DLC1: variants seen among roughly 807,000 people sequenced by gnomAD.
DLC1 encodes rho GTPase-activating protein 7.
Under a neutral mutation model 140.3 loss-of-function variants are expected in DLC1, and 54 were observed. That is an observed-to-expected ratio of 0.38 (90% confidence interval 0.31 to 0.48). The LOEUF (loss-of-function observed/expected upper bound fraction) is 0.48, where lower values mean the gene tolerates loss of function less well. DLC1 is among the 20% of genes least tolerant of loss of function. The pLI, the probability that DLC1 is intolerant of heterozygous loss-of-function variation, is 0.96. For synonymous variants in DLC1, 986 were observed against 728.1 expected (o/e 1.35, Z -5.70); for missense variants, 2,536 against 1,907.0 (o/e 1.33, Z -6.14).
At chr8:13,160,906 C>G (rs1824640894) in intron 5 of DLC1, among the ~76,000 whole-genome samples, 1 of 152,020 alleles carries the variant, frequency 6.6e-6, no homozygotes, top group Non-Finnish European at 1.5e-5. Context: ...GCGGTGAAAC[C>G]CCGTCTCTAC....
chr8:13,535,099 C>T (rs1258795415), intron 1 of DLC1, among the ~76,000 whole-genome samples: 1 of 152,128 alleles, frequency 6.6e-6, no homozygotes, highest in Non-Finnish European at 1.5e-5. Flanking sequence ...AGGCAAAGTT[C>T]CTTCCCCTTT....
At chr8:13,567,137 T>A in intron 1 of DLC1, 1 of 1,551,768 alleles carries the variant, frequency 6.4e-7, no homozygotes, top group Non-Finnish European at 8.7e-7. Flanking sequence ...TCCTCGCCCC[T>A]GACCTCTGGG....
intron 2 of DLC1, among the ~76,000 whole-genome samples, chr8:13,453,546 A>T (rs1263670448): frequency 0.015 from 662 of 44,084 alleles, 42 homozygotes; most frequent in Non-Finnish European, 0.019. Context: ...ATACATATAT[A>T]TATATATATA....
intron 3 of DLC1, 50 bp downstream of exon 3, chr8:13,401,420 T>C: frequency 6.2e-7 from 1 of 1,601,180 alleles, no homozygotes; most frequent in South Asian, 1.1e-5. Context: ...CTGTATAAGG[T>C]CAAGAGTTAC....
At chr8:13,600,656 T>G (rs1477128469) in intron 1 of DLC1, among the ~76,000 whole-genome samples, 1 of 151,896 alleles carries the variant, frequency 6.6e-6, no homozygotes, top group Non-Finnish European at 1.5e-5. Flanking sequence ...ATGAAAAGAT[T>G]TTATTTTAGT....
chr8:13,259,829 T>C (rs994742298), intron 5 of DLC1, among the ~76,000 whole-genome samples: 11 of 151,966 alleles, frequency 7.2e-5, no homozygotes, highest in Non-Finnish European at 1.6e-4. Flanking sequence ...TATTCCTATC[T>C]ACTTAGGTGA....
chr8:13,352,176 T>C (rs1229738702), intron 4 of DLC1, among the ~76,000 whole-genome samples: 1 of 152,232 alleles, frequency 6.6e-6, no homozygotes, highest in Admixed American at 6.5e-5. Context: ...TGATCCTTGT[T>C]GGCAGCCACA....
intron 1 of DLC1, among the ~76,000 whole-genome samples, chr8:13,570,709 C>T (rs62493178): frequency 0.13 from 20,350 of 151,796 alleles, 1,602 homozygotes; most frequent in East Asian, 0.25. Flanking sequence ...TGGACATTTG[C>T]GTTGGTTCTC....
At position 13,369,240 on chromosome 8, in the gene DLC1, T is replaced by C. The variant is rs184316590; in HGVS notation, c.1314+24313A>G. The stretch of plus-strand genomic sequence containing the variant: ...TTAACCTTCTGTCTCTCTCCTGTCA[T>C]GCCATAGAGTGGAGTTGTTGAATTT... On this transcript the variant is annotated intron_variant, in intron 4 of 17. Transcript: ENST00000276297. 3.9e-4 allele frequency among the ~76,000 whole-genome samples: 59 copies of C among 151,940 alleles called. 1 individual carries two copies. In the Middle Eastern group the frequency reaches 0.024, roughly 62 times the overall value.
chr8:13,107,363 C>G (rs910000295), intron 7 of DLC1, among the ~76,000 whole-genome samples: 3 of 152,114 alleles, frequency 2.0e-5, no homozygotes, highest in Non-Finnish European at 2.9e-5. Flanking sequence ...AAGAATAATG[C>G]TAGAGTAAAT....
intron 5 of DLC1, among the ~76,000 whole-genome samples, chr8:13,255,158 A>G (rs1830167411): frequency 6.6e-6 from 1 of 151,844 alleles, no homozygotes; most frequent in South Asian, 2.1e-4. Context: ...TTAAGTAGAG[A>G]TGGGTTTCTG....
intron 5 of DLC1, among the ~76,000 whole-genome samples, chr8:13,243,852 G>C (rs1042897883): frequency 6.6e-6 from 1 of 152,144 alleles, no homozygotes; most frequent in Non-Finnish European, 1.5e-5. Context: ...CCTATTTGTT[G>C]ATGACTCCGT....
At position 13,098,667 on chromosome 8, in the gene DLC1, G is replaced by C; in HGVS notation, c.2991-92C>G. Reference sequence around the variant, plus strand: ...TTCTTGCTCTGTTGCCCAGGCTGGAGTGCAGTGGTGCCATCACAGCTCACT... The same window carrying C: ...TTCTTGCTCTGTTGCCCAGGCTGGACTGCAGTGGTGCCATCACAGCTCACT... On this transcript the variant is annotated intron_variant, in intron 9 of 17. Coordinates refer to ENST00000276297, the MANE Select transcript of DLC1 (RefSeq NM_182643.3). The C allele has an allele frequency of 7.5e-6, 10 of 1,341,780 alleles. No homozygotes were observed. In the East Asian group the frequency reaches 7.6e-5, roughly 10 times the overall value. 83.1% of individuals were successfully genotyped at this position (1,341,780 alleles called of 1,614,324 possible).
chr8:13,353,548 CTGTT>C (rs981036387), intron 4 of DLC1: 2 of 152,196 alleles, frequency 1.3e-5, no homozygotes, highest in African/African-American at 2.4e-5. Flanking sequence ...AAAGACTTCA[CTGTT>C]TGTGTTCTTA....
chr8:13,489,775 G>C (rs1801154983), intron 2 of DLC1, among the ~76,000 whole-genome samples: 1 of 152,098 alleles, frequency 6.6e-6, no homozygotes, highest in African/African-American at 2.4e-5. Context: ...ATTTCCCACT[G>C]AAGAAGCTAC....
intron 5 of DLC1, among the ~76,000 whole-genome samples, chr8:13,237,054 T>C (rs1371535935): frequency 2.0e-5 from 3 of 151,992 alleles, no homozygotes; most frequent in African/African-American, 7.2e-5. Flanking sequence ...TTTAACTTTT[T>C]ATGATTATAT....
intron 1 of DLC1, among the ~76,000 whole-genome samples, chr8:13,572,546 G>GA (rs972638242): frequency 2.0e-5 from 3 of 152,038 alleles, no homozygotes; most frequent in African/African-American, 7.2e-5. Context: ...TCATATGTAA[G>GA]AAATCATCAC....
chr8:13,094,582 C>T (rs1180553327), intron 12 of DLC1, among the ~76,000 whole-genome samples, 177 bp downstream of exon 12: 2 of 152,068 alleles, frequency 1.3e-5, no homozygotes, highest in Admixed American at 6.6e-5. Context: ...GGGAGAATCG[C>T]TTGAACCTGG....
intron 2 of DLC1, among the ~76,000 whole-genome samples, chr8:13,426,536 TGCC>T (rs1359550308): frequency 2.0e-5 from 3 of 152,202 alleles, no homozygotes; most frequent in Admixed American, 2.0e-4. Context: ...TTAGTCTGTT[TGCC>T]TCCTTTCTCA....
Sources: allele counts gnomAD v4.1 joint callset (sites outside exome capture counted in the v4.1 genomes callset), GRCh38; gene constraint gnomAD v4.1.1; transcripts MANE v1.5; gene names NCBI Gene and HGNC (gene_info 2026-07-23, HGNC 2026-07-21).